Variants in PUDP observed in about 807,000 individuals in gnomAD.
PUDP encodes the protein pseudouridine-5'-phosphatase.
A neutral mutation model predicts 9.4 loss-of-function variants in PUDP; 8 were observed. The ratio of observed to expected loss-of-function variants is 0.85; its 90% CI spans 0.50 to 1.53. The LOEUF is 1.53. Ranked by LOEUF, PUDP falls within the 40% of genes most tolerant of loss-of-function variation. The pLI is 0.00. For synonymous variants in PUDP, 99 were observed against 80.7 expected (o/e 1.23, Z -1.22); for missense variants, 188 against 189.7 (o/e 0.99, Z 0.05).
intron 3 of PUDP, among the ~76,000 whole-genome samples, chrX:6,739,490 T>G (rs1260231870): frequency 9.0e-6 from 1 of 111,373 alleles, no homozygotes; most frequent in East Asian, 2.8e-4. Context: ...CATTTTTGGT[T>G]GTCGCAACTG....
intron 3 of PUDP, among the ~76,000 whole-genome samples, chrX:7,063,669 G>A (rs1203498303): frequency 1.8e-5 from 2 of 110,820 alleles, no homozygotes; most frequent in South Asian, 7.7e-4. Context: ...TTTGAGACAG[G>A]GTCTCACTCT....
chrX:6,819,651 C>T (rs141745131), intron 3 of PUDP, among the ~76,000 whole-genome samples: 2,226 of 112,403 alleles, frequency 0.02, 55 homozygotes, highest in African/African-American at 0.069. Flanking sequence ...TAGGTTTTCA[C>T]TTGTAATACT....
intron 1 of PUDP, among the ~76,000 whole-genome samples, chrX:7,141,160 C>T (rs1278700277): frequency 9.8e-5 from 11 of 112,281 alleles, no homozygotes; most frequent in African/African-American, 3.2e-4. Context: ...ACACATCTCT[C>T]ACTTTAAATT....
intron 3 of PUDP, among the ~76,000 whole-genome samples, chrX:6,818,027 T>G (rs1926279467): frequency 8.9e-6 from 1 of 112,094 alleles, no homozygotes; most frequent in African/African-American, 3.2e-5. Flanking sequence ...ACCCTCCAAC[T>G]ACTTTCTTTT....
intron 1 of PUDP, among the ~76,000 whole-genome samples, chrX:7,033,731 A>C (rs1220667079): frequency 1.8e-5 from 2 of 111,643 alleles, no homozygotes; most frequent in African/African-American, 6.5e-5. Flanking sequence ...AGCTCAGGGA[A>C]GAACAACTGG....
intron 3 of PUDP, among the ~76,000 whole-genome samples, chrX:6,969,797 C>T (rs777988417): frequency 5.4e-5 from 6 of 112,091 alleles, no homozygotes; most frequent in African/African-American, 1.9e-4. Flanking sequence ...TGGGAGGACT[C>T]TTTGAGCCCA....
chrX:6,872,892 C>A (rs191142351), intron 3 of PUDP, among the ~76,000 whole-genome samples: 26 of 110,377 alleles, frequency 2.4e-4, no homozygotes, highest in Admixed American at 1.3e-3. Context: ...TACGAGGTAT[C>A]CCCTGGAAGT....
chrX:6,933,267 G>A (rs1206831124), intron 3 of PUDP, among the ~76,000 whole-genome samples: 1 of 109,830 alleles, frequency 9.1e-6, no homozygotes, highest in South Asian at 3.9e-4. Context: ...TCACATGGCC[G>A]GGTACTCCTC....
chrX:7,065,553 C>T (rs778631152), intron 3 of PUDP, among the ~76,000 whole-genome samples: 1 of 112,303 alleles, frequency 8.9e-6, no homozygotes, highest in African/African-American at 3.2e-5. Flanking sequence ...CCACCTTGAT[C>T]CTCGCATAAA....
intron 3 of PUDP, among the ~76,000 whole-genome samples, chrX:6,948,147 C>T (rs1426035445): frequency 8.9e-6 from 1 of 112,358 alleles, no homozygotes; most frequent in Non-Finnish European, 1.9e-5. Flanking sequence ...TCCTAGTACA[C>T]AAAAGCACTA....
At chrX:6,835,028 C>T (rs1389846176) in intron 3 of PUDP, among the ~76,000 whole-genome samples, 3 of 111,186 alleles carry the variant, frequency 2.7e-5, no homozygotes, top group Admixed American at 9.6e-5. Context: ...CCATGTAATA[C>T]CGTGAGCCCT....
chrX:6,925,012 C>T (rs143173698), intron 3 of PUDP, among the ~76,000 whole-genome samples: 93 of 112,049 alleles, frequency 8.3e-4, no homozygotes, highest in East Asian at 5.1e-3. Flanking sequence ...CACATCTTGC[C>T]TTAAAATAAA....
chrX:7,121,044 T>C (rs1932329554), intron 1 of PUDP, among the ~76,000 whole-genome samples: 1 of 111,731 alleles, frequency 9.0e-6, no homozygotes, highest in Admixed American at 9.5e-5. Flanking sequence ...GTCATCTGGG[T>C]GTGGGAACTG....
chrX:7,113,506 G>C (rs1436250826), intron 1 of PUDP: 1 of 112,621 alleles, frequency 8.9e-6, no homozygotes, highest in Non-Finnish European at 1.9e-5. Context: ...CCTCGGAAGG[G>C]CTAAGCACCT....
chrX:6,816,794 A>C (rs1926246550), intron 3 of PUDP, among the ~76,000 whole-genome samples: 1 of 96,040 alleles, frequency 1.0e-5, no homozygotes, highest in Non-Finnish European at 2.0e-5. Context: ...TATACTATAT[A>C]GTATATACAA....
intron 3 of PUDP, among the ~76,000 whole-genome samples, chrX:6,907,220 T>G (rs1927781297): frequency 9.0e-6 from 1 of 111,241 alleles, no homozygotes; most frequent in Admixed American, 9.6e-5. Flanking sequence ...CTGTGTTCAC[T>G]CTGCACTTCT....
chrX:7,025,319 G>A (rs1929694435), intron 1 of PUDP, among the ~76,000 whole-genome samples: 1 of 111,857 alleles, frequency 8.9e-6, no homozygotes, highest in Admixed American at 9.5e-5. Context: ...ACCACTCACT[G>A]GAACTTCCAT....
At chrX:6,776,428 G>A (rs781498006) in intron 3 of PUDP, among the ~76,000 whole-genome samples, 3 of 111,213 alleles carry the variant, frequency 2.7e-5, no homozygotes, top group African/African-American at 9.8e-5. Context: ...CTACTTGGGA[G>A]GCTGAGACAG....
At chrX:6,952,981 T>C (rs993997077) in intron 3 of PUDP, among the ~76,000 whole-genome samples, 3 of 111,704 alleles carry the variant, frequency 2.7e-5, no homozygotes, top group African/African-American at 9.8e-5. Flanking sequence ...TTGTCTGATA[T>C]TTTCTGATGA....
Sources: allele counts gnomAD v4.1 joint callset (sites outside exome capture counted in the v4.1 genomes callset), GRCh38; gene constraint gnomAD v4.1.1; transcripts MANE v1.5; gene names NCBI Gene and HGNC (gene_info 2026-07-23, HGNC 2026-07-21).